Variants in BLTP1 observed in about 807,000 individuals in gnomAD.
The protein encoded by BLTP1 is fragile site-associated protein.
At chr4:122,257,215 T>G in the BLTP1 span, 1 of 1,586,208 alleles carries the variant, frequency 6.3e-7, no homozygotes. Flanking sequence ...ACTGATATTA[T>G]TACATTAGAT....
At chr4:122,336,848 TAATAATAAAACTTAACCA>T in the BLTP1 span, 1 of 1,576,108 alleles carries the variant, frequency 6.3e-7, no homozygotes, top group Non-Finnish European at 8.6e-7. Context: ...GCCTTTGATC[TAATAATAAAACTTAACCA>T]AATATTTTAA....
the BLTP1 span, chr4:122,204,345 G>T: frequency 1.2e-5 from 12 of 969,240 alleles, no homozygotes; most frequent in Non-Finnish European, 1.5e-5. Flanking sequence ...AATGAATTCA[G>T]TAGTTTTAAC....
chr4:122,301,733 A>T, the BLTP1 span, among the ~76,000 whole-genome samples: 3 of 152,172 alleles, frequency 2.0e-5, no homozygotes, highest in Non-Finnish European at 4.4e-5. Context: ...CTTCTGACGA[A>T]CATTTTGTTT....
the BLTP1 span, among the ~76,000 whole-genome samples, chr4:122,252,380 A>G: frequency 6.6e-6 from 1 of 152,158 alleles, no homozygotes; most frequent in African/African-American, 2.4e-5. Flanking sequence ...TGGCTCCTGG[A>G]TGGCATTTCT....
At chr4:122,194,624 G>A in the BLTP1 span, 2 of 978,686 alleles carry the variant, frequency 2.0e-6, no homozygotes, top group Non-Finnish European at 2.4e-6. Flanking sequence ...TGTTTGCGAA[G>A]AAAAAATGAA....
At chr4:122,170,584 G>T in the BLTP1 span, 1 of 1,464,644 alleles carries the variant, frequency 6.8e-7, no homozygotes. Context: ...ATAAATCTCT[G>T]ATTCTAAATT....
the BLTP1 span, chr4:122,207,429 A>C: frequency 5.5e-6 from 8 of 1,451,146 alleles, no homozygotes; most frequent in South Asian, 1.2e-4. Context: ...GTATTGGACT[A>C]AAACTTAATT....
the BLTP1 span, chr4:122,234,644 T>C: frequency 4.7e-6 from 5 of 1,054,206 alleles, no homozygotes; most frequent in Admixed American, 1.5e-4. Context: ...AACCTTTGTG[T>C]TTGTGTTTAC....
the BLTP1 span, chr4:122,264,330 A>G: frequency 1.2e-6 from 2 of 1,611,924 alleles, no homozygotes; most frequent in Non-Finnish European, 1.7e-6. Flanking sequence ...AATACTTTGG[A>G]TGGGACACAT....
At chr4:122,207,758 C>G in the BLTP1 span, 1 of 1,047,750 alleles carries the variant, frequency 9.5e-7, no homozygotes, top group South Asian at 2.3e-5. Flanking sequence ...TTTAGCTTTC[C>G]TCCAATGTCT....
chr4:122,314,107 A>G, the BLTP1 span: 2 of 984,574 alleles, frequency 2.0e-6, no homozygotes, highest in African/African-American at 3.5e-5. Flanking sequence ...GATCAGAGAA[A>G]ACTTCATGGA....
chr4:122,297,452 G>T, the BLTP1 span, among the ~76,000 whole-genome samples: 2 of 152,160 alleles, frequency 1.3e-5, no homozygotes, highest in Non-Finnish European at 2.9e-5. Flanking sequence ...TCACATTGTT[G>T]GTGGGAGCGT....
chr4:122,225,121 AG>A, the BLTP1 span: 1 of 622,258 alleles, frequency 1.6e-6, no homozygotes, highest in South Asian at 6.1e-5. Flanking sequence ...ACTAAGGATT[AG>A]GTAATAAGGT....
At chr4:122,192,429 G>A in the BLTP1 span, 11 of 1,191,570 alleles carry the variant, frequency 9.2e-6, no homozygotes, top group African/African-American at 4.6e-5. Context: ...GTATTTAGAT[G>A]TATATAATTT....
At chr4:122,206,610 A>G in the BLTP1 span, among the ~76,000 whole-genome samples, 1 of 152,050 alleles carries the variant, frequency 6.6e-6, no homozygotes, top group African/African-American at 2.4e-5. Flanking sequence ...TGGAAAGAGT[A>G]TAAATATCCA....
the BLTP1 span, chr4:122,174,724 ATATTT>A: frequency 7.6e-6 from 9 of 1,190,484 alleles, no homozygotes; most frequent in Non-Finnish European, 1.1e-5. Context: ...ATGTTTTATG[ATATTT>A]TATTGAATGT....
the BLTP1 span, chr4:122,327,854 G>A: frequency 3.2e-5 from 6 of 184,678 alleles, no homozygotes; most frequent in Non-Finnish European, 5.4e-5. Context: ...TATTGATACA[G>A]TAATATATGT....
chr4:122,153,107 A>C, the BLTP1 span: 4 of 855,554 alleles, frequency 4.7e-6, no homozygotes, highest in Non-Finnish European at 5.6e-6. Context: ...CTATTGGTCA[A>C]AGGAAGGTGA....
At chr4:122,199,243 A>T in the BLTP1 span, 1 of 1,409,962 alleles carries the variant, frequency 7.1e-7, no homozygotes, top group Non-Finnish European at 9.5e-7. Context: ...TTAAATAGTG[A>T]CTACCATTTT....
Sources: allele counts gnomAD v4.1 joint callset (sites outside exome capture counted in the v4.1 genomes callset), GRCh38; gene constraint gnomAD v4.1.1; transcripts MANE v1.5; gene names NCBI Gene and HGNC (gene_info 2026-07-23, HGNC 2026-07-21).